Variants in SGCZ observed in about 807,000 individuals in gnomAD.
SGCZ encodes the protein zeta-sarcoglycan.
Under a neutral mutation model 41.3 loss-of-function variants are expected in SGCZ, and 40 were observed. The observed-to-expected ratio is 0.97, with a 90% CI of 0.75 to 1.26. The LOEUF is 1.26. Ranked by LOEUF, SGCZ falls within the 50% of genes most tolerant of loss-of-function variation. The pLI is 0.00. For missense variants in SGCZ, 552 were observed against 369.8 expected, an observed-to-expected ratio of 1.49 and a Z score of -4.04; for synonymous variants, 206 against 137.5, an observed-to-expected ratio of 1.50 and a Z score of -3.49.
intron 1 of SGCZ, among the ~76,000 whole-genome samples, chr8:15,235,488 A>T (rs77881086): frequency 1.3e-5 from 2 of 152,096 alleles, no homozygotes; most frequent in Non-Finnish European, 2.9e-5. Flanking sequence ...CATTGCCAAT[A>T]TACCCCCTCA....
At chr8:14,354,204 AG>A (rs1803207942) in intron 2 of SGCZ, among the ~76,000 whole-genome samples, 4 of 152,048 alleles carry the variant, frequency 2.6e-5, no homozygotes, top group Admixed American at 2.6e-4. Context: ...TTGTAATTTT[AG>A]TGCCTCACAC....
At chr8:14,149,826 G>T (rs1803643803) in intron 5 of SGCZ, among the ~76,000 whole-genome samples, 1 of 151,978 alleles carries the variant, frequency 6.6e-6, no homozygotes, top group South Asian at 2.1e-4. Context: ...CATAAAAACA[G>T]ACACATAGAC....
chr8:14,696,165 T>G (rs1199622136), intron 1 of SGCZ, among the ~76,000 whole-genome samples: 1 of 152,112 alleles, frequency 6.6e-6, no homozygotes. Context: ...ATACATGGGT[T>G]GACATTATAT....
chr8:14,631,741 C>G (rs1806662011), intron 1 of SGCZ, among the ~76,000 whole-genome samples: 1 of 152,004 alleles, frequency 6.6e-6, no homozygotes. Context: ...CTCATATAAA[C>G]AATAATGTAG....
chr8:14,341,005 G>A (rs1802686201), intron 2 of SGCZ, among the ~76,000 whole-genome samples: 1 of 152,070 alleles, frequency 6.6e-6, no homozygotes, highest in Admixed American at 6.6e-5. Flanking sequence ...AACTGCTCGA[G>A]GAGCCTCAAG....
chr8:14,738,062 G>A (rs142555175), intron 1 of SGCZ, among the ~76,000 whole-genome samples: 6 of 152,114 alleles, frequency 3.9e-5, no homozygotes, highest in Admixed American at 2.0e-4. Context: ...CCTGGCGTTC[G>A]CACTTTAGTC....
intron 1 of SGCZ, among the ~76,000 whole-genome samples, chr8:14,648,274 G>A (rs1369686238): frequency 6.6e-6 from 1 of 152,074 alleles, no homozygotes; most frequent in Non-Finnish European, 1.5e-5. Flanking sequence ...TGTCTGGCTA[G>A]ATGATGGATA....
intron 2 of SGCZ, among the ~76,000 whole-genome samples, chr8:14,459,090 G>A (rs904666803): frequency 4.6e-5 from 7 of 152,074 alleles, no homozygotes; most frequent in African/African-American, 1.7e-4. Flanking sequence ...GTTATAACTT[G>A]CATAAATAAT....
intron 1 of SGCZ, among the ~76,000 whole-genome samples, chr8:15,085,731 C>A (rs1424948266): frequency 6.6e-6 from 1 of 152,008 alleles, no homozygotes; most frequent in African/African-American, 2.4e-5. Flanking sequence ...TTTTTTTCCT[C>A]TCTTGCCCAC....
chr8:14,882,536 G>A (rs1268250437), intron 1 of SGCZ, among the ~76,000 whole-genome samples: 2 of 152,070 alleles, frequency 1.3e-5, no homozygotes, highest in Non-Finnish European at 2.9e-5. Flanking sequence ...ATGTAATAAA[G>A]ATATTTTTAA....
At chr8:14,540,437 T>A (rs1322375439) in intron 2 of SGCZ, among the ~76,000 whole-genome samples, 1 of 151,684 alleles carries the variant, frequency 6.6e-6, no homozygotes, top group East Asian at 1.9e-4. Flanking sequence ...ATTTTAAAAA[T>A]TTATATTCTA....
At chr8:15,166,410 G>A (rs932188418) in intron 1 of SGCZ, among the ~76,000 whole-genome samples, 2 of 151,828 alleles carry the variant, frequency 1.3e-5, no homozygotes, top group African/African-American at 4.8e-5. Flanking sequence ...ACCATGCCCA[G>A]CTAGTTTTTT....
At chr8:14,392,655 A>G (rs1218736275) in intron 2 of SGCZ, among the ~76,000 whole-genome samples, 3 of 152,198 alleles carry the variant, frequency 2.0e-5, no homozygotes, top group African/African-American at 7.2e-5. Context: ...TGGTTACTTG[A>G]AATACATGAA....
chr8:14,412,139 T>C (rs999241585), intron 2 of SGCZ, among the ~76,000 whole-genome samples: 2 of 152,080 alleles, frequency 1.3e-5, no homozygotes, highest in Admixed American at 6.6e-5. Flanking sequence ...AAAATTCTAA[T>C]TGACAATGAG....
At chr8:14,390,633 T>C (rs1232734531) in intron 2 of SGCZ, among the ~76,000 whole-genome samples, 2 of 151,920 alleles carry the variant, frequency 1.3e-5, no homozygotes, top group African/African-American at 4.8e-5. Flanking sequence ...TTTTACTATA[T>C]ACATATAAAA....
chr8:14,090,271 G>A lies in SGCZ; in HGVS notation c.*172C>T, dbSNP rs1366307217. ...GTGTCAATCACACCCTCTGTGTTGA[G>A]CAGTACAGTAAATCACAAGAGAAGG... On this transcript the variant is annotated 3_prime_UTR_variant, in exon 8 of 8. Coordinates refer to ENST00000382080, the MANE Select transcript of SGCZ (RefSeq NM_139167.4). 1.9e-5 allele frequency: 11 copies of A among 570,044 alleles called. No individual in the cohort carries two copies. The allele number at this position is 570,044 out of a possible 1,614,324, so 35.3% of individuals were successfully genotyped here. A position where few individuals can be genotyped will look rare whatever the true frequency, so the allele number is the denominator to read the frequency against.
intron 2 of SGCZ, among the ~76,000 whole-genome samples, chr8:14,533,762 T>C (rs1360369555): frequency 2.0e-5 from 3 of 152,032 alleles, no homozygotes; most frequent in Admixed American, 6.6e-5. Flanking sequence ...AACCAAAATA[T>C]ATCTTTCCTC....
intron 1 of SGCZ, among the ~76,000 whole-genome samples, chr8:15,221,090 C>T (rs1454631613): frequency 3.9e-5 from 6 of 152,022 alleles, no homozygotes; most frequent in Admixed American, 3.9e-4. Context: ...TTCAGCAAAC[C>T]AACATGGCAC....
intron 4 of SGCZ, among the ~76,000 whole-genome samples, chr8:14,225,503 G>C (rs1177051695): frequency 2.0e-5 from 3 of 152,006 alleles, no homozygotes; most frequent in Non-Finnish European, 4.4e-5. Context: ...TGTTGAATTA[G>C]AAATCAACAT....
Sources: gnomAD v4.1 joint callset for allele counts (sites outside exome capture counted in the v4.1 genomes callset) on GRCh38, gnomAD v4.1.1 for gene constraint, MANE v1.5 for transcripts, NCBI Gene and HGNC (gene_info 2026-07-23, HGNC 2026-07-21) for gene names.